GRIA4: variants seen among roughly 807,000 people sequenced by gnomAD.
The protein encoded by GRIA4 is glutamate receptor 4.
GRIA4 carries 34 observed loss-of-function variants against 104.0 expected under a neutral mutation model. That is an observed-to-expected ratio of 0.33 (90% CI 0.25 to 0.44). The LOEUF (loss-of-function observed/expected upper bound fraction) is 0.44, where lower values mean the gene tolerates loss of function less well. GRIA4 is among the 20% of genes least tolerant of loss of function. The pLI is 1.00. For missense variants in GRIA4, 750 were observed against 1,096.5 expected, an observed-to-expected ratio of 0.68 and a Z score of 4.46; for synonymous variants, 386 against 381.9, an observed-to-expected ratio of 1.01 and a Z score of -0.13.
intron 3 of GRIA4, among the ~76,000 whole-genome samples, chr11:105,681,041 G>A (rs1346706582): frequency 6.6e-6 from 1 of 152,130 alleles, no homozygotes; most frequent in Non-Finnish European, 1.5e-5. Context: ...CACCCTTATA[G>A]TACTGGTATA....
At chr11:105,952,681 A>T (rs1948483319) in intron 14 of GRIA4, among the ~76,000 whole-genome samples, 1 of 152,198 alleles carries the variant, frequency 6.6e-6, no homozygotes, top group Admixed American at 6.5e-5. Context: ...CCTTGACTCA[A>T]CTTGGAATAT....
intron 3 of GRIA4, among the ~76,000 whole-genome samples, chr11:105,726,015 C>T (rs147494727): frequency 8.9e-4 from 135 of 152,154 alleles, no homozygotes; most frequent in African/African-American, 3.1e-3. Context: ...TTTCATACCC[C>T]AGTGGCACCT....
intron 6 of GRIA4, among the ~76,000 whole-genome samples, chr11:105,888,971 T>C (rs1946371021): frequency 1.3e-5 from 2 of 152,220 alleles, no homozygotes; most frequent in African/African-American, 2.4e-5. Flanking sequence ...TATTCTGATA[T>C]TAATTACTAT....
chr11:105,653,132 C>T (rs1361072489), intron 3 of GRIA4, among the ~76,000 whole-genome samples: 2 of 152,108 alleles, frequency 1.3e-5, no homozygotes, highest in African/African-American at 2.4e-5. Flanking sequence ...AGGATGGTCT[C>T]GATCTCCTGA....
At chr11:105,875,891 G>T (rs572946815) in intron 5 of GRIA4, among the ~76,000 whole-genome samples, 5 of 151,616 alleles carry the variant, frequency 3.3e-5, no homozygotes, top group Non-Finnish European at 5.9e-5. Context: ...TTTTTTAATG[G>T]TTTTTTTGTG....
intron 3 of GRIA4, among the ~76,000 whole-genome samples, chr11:105,630,523 C>T (rs771394215): frequency 4.6e-5 from 7 of 151,898 alleles, no homozygotes; most frequent in East Asian, 3.9e-4. Flanking sequence ...GAGATCACGC[C>T]GCTGCATCCC....
rs552010412 is a variant in GRIA4, at chr11:105,875,697, G to A, written c.673-11822G>A. Among the ~76,000 whole-genome samples, 80 of 152,232 alleles carry A rather than the reference G, an allele frequency of 5.3e-4. 1 individual carries two copies. Among genetic ancestry groups the A allele is most frequent in the Middle Eastern group, 3.4e-3 (1 of 294 alleles). ...TTCTTCTCGATGTTCTAGTTTATTT[G>A]CATAGAGGTGTTTATAGTATTCTCT... On this transcript the variant is annotated intron_variant, in intron 5 of 16. Coordinates refer to ENST00000282499, the MANE Select transcript of GRIA4 (RefSeq NM_000829.4).
At chr11:105,689,318 G>T (rs1278155307) in intron 3 of GRIA4, among the ~76,000 whole-genome samples, 1 of 152,146 alleles carries the variant, frequency 6.6e-6, no homozygotes, top group Non-Finnish European at 1.5e-5. Flanking sequence ...AATAGCCTTT[G>T]TCCAAACCCT....
At chr11:105,790,818 C>T (rs941704408) in intron 4 of GRIA4, among the ~76,000 whole-genome samples, 9 of 152,086 alleles carry the variant, frequency 5.9e-5, no homozygotes, top group African/African-American at 1.4e-4. Context: ...CTGGAAAATG[C>T]GAGTTAAAAT....
rs571959064 is a variant in GRIA4 at position 105,766,856 on chromosome 11, ACTGCTT to A, written c.487+13638_487+13643del. 3.6e-3 allele frequency among the ~76,000 whole-genome samples: 541 copies of A among 152,224 alleles called. 3 individuals carry two copies. The highest frequency in any genetic ancestry group is 5.8e-3 in the Non-Finnish European group (393 of 68,002). ...CTTGCCACATGTGTAAGAAGACCTCACTGCTTCCCCTCCAAGACTGCTTAATGTTAC... is the reference window on the plus strand; with the variant it reads ...CTTGCCACATGTGTAAGAAGACCTCACCCCTCCAAGACTGCTTAATGTTAC... On this transcript the variant is annotated intron_variant, in intron 4 of 16. Coordinates refer to ENST00000282499, the MANE Select transcript of GRIA4 (RefSeq NM_000829.4).
At chr11:105,695,445 C>T (rs912665465) in intron 3 of GRIA4, among the ~76,000 whole-genome samples, 5 of 144,144 alleles carry the variant, frequency 3.5e-5, no homozygotes, top group African/African-American at 7.7e-5. Context: ...TGTATGCGTG[C>T]GTGTGTGTGT....
intron 13 of GRIA4, among the ~76,000 whole-genome samples, chr11:105,931,613 G>C (rs1190502635): frequency 6.6e-6 from 1 of 152,014 alleles, no homozygotes; most frequent in Non-Finnish European, 1.5e-5. Flanking sequence ...GCTAAGACAG[G>C]AGAATTGCTT....
chr11:105,735,150 A>G (rs1441583138), intron 3 of GRIA4, among the ~76,000 whole-genome samples: 1 of 152,150 alleles, frequency 6.6e-6, no homozygotes, highest in African/African-American at 2.4e-5. Flanking sequence ...ATGAAATATT[A>G]TTCAAAAAAT....
At chr11:105,754,216 T>A (rs1391562176) in intron 4 of GRIA4, among the ~76,000 whole-genome samples, 2 of 152,104 alleles carry the variant, frequency 1.3e-5, no homozygotes, top group African/African-American at 4.8e-5. Context: ...CCCTAGAAAT[T>A]CCAGGGGGTT....
intron 6 of GRIA4, among the ~76,000 whole-genome samples, chr11:105,890,315 C>G (rs554651483): frequency 3.3e-5 from 5 of 152,152 alleles, no homozygotes; most frequent in South Asian, 2.1e-4. Flanking sequence ...AACCAAGAAA[C>G]AAAGTAAGGA....
At chr11:105,714,476 A>G (rs531571530) in intron 3 of GRIA4, among the ~76,000 whole-genome samples, 17 of 152,136 alleles carry the variant, frequency 1.1e-4, no homozygotes, top group Non-Finnish European at 2.2e-4. Context: ...TTCTGTCTGA[A>G]AGTAACTATG....
At chr11:105,927,260 G>GA (rs747624290) in intron 13 of GRIA4, among the ~76,000 whole-genome samples, 1 of 152,076 alleles carries the variant, frequency 6.6e-6, no homozygotes, top group Non-Finnish European at 1.5e-5. Flanking sequence ...GGTAAGATTG[G>GA]ATTTATGTCT....
chr11:105,908,074 A>T (rs774727511), intron 9 of GRIA4, among the ~76,000 whole-genome samples: 1 of 152,146 alleles, frequency 6.6e-6, no homozygotes, highest in Admixed American at 6.6e-5. Context: ...CTCTCCAAGG[A>T]ACCAACTTTG....
rs117964266 is a variant in GRIA4, at chr11:105,742,376, C to G, written c.248-10605C>G. ...TCTTCCCACCCACGCACCTGCACAT[C>G]TCATTCGAGGCCAACCTTATATCTG... On this transcript the variant is annotated intron_variant, in intron 3 of 16. Transcript: ENST00000282499. Among the ~76,000 whole-genome samples the G allele has an allele frequency of 3.3e-5, 5 of 152,236 alleles. No individual in the cohort carries two copies. The East Asian group carries it at 9.7e-4, about 29-fold the overall frequency.
Sources: allele counts gnomAD v4.1 joint callset (sites outside exome capture counted in the v4.1 genomes callset), GRCh38; gene constraint gnomAD v4.1.1; transcripts MANE v1.5; gene names NCBI Gene and HGNC (gene_info 2026-07-23, HGNC 2026-07-21).